TG: variants seen among roughly 807,000 people sequenced by gnomAD.
TG encodes the protein thyroglobulin.
A neutral mutation model predicts 324.7 loss-of-function variants in TG; 270 were observed. That is an observed-to-expected ratio of 0.83 (90% CI 0.75 to 0.92). The LOEUF is 0.92. Ranked by LOEUF, TG falls within the 40% of genes least tolerant of loss-of-function variation. The pLI is 0.00. For missense variants in TG, 3,591 were observed against 3,456.4 expected (o/e 1.04, Z -0.98); for synonymous variants, 1,401 against 1,327.0 (o/e 1.06, Z -1.21).
chr8:133,097,536 C>T (rs1038026468), intron 43 of TG, among the ~76,000 whole-genome samples: 9 of 152,178 alleles, frequency 5.9e-5, no homozygotes, highest in African/African-American at 2.2e-4. Flanking sequence ...ATGCCTCTGA[C>T]ACATTGTAAA....
At chr8:132,876,364 G>A (rs1813798336) in intron 5 of TG, among the ~76,000 whole-genome samples, 1 of 152,170 alleles carries the variant, frequency 6.6e-6, no homozygotes, top group African/African-American at 2.4e-5. Context: ...TTTCTGGATG[G>A]ATTCTTGAGG....
At chr8:133,043,099 C>A (rs1838627713) in intron 41 of TG, among the ~76,000 whole-genome samples, 1 of 152,108 alleles carries the variant, frequency 6.6e-6, no homozygotes, top group African/African-American at 2.4e-5. Context: ...TTACCCTTTT[C>A]AGTTATTCAC....
intron 27 of TG, among the ~76,000 whole-genome samples, chr8:132,959,955 C>T (rs1202351189): frequency 1.3e-5 from 2 of 152,016 alleles, no homozygotes; most frequent in Non-Finnish European, 2.9e-5. Flanking sequence ...ATTTACTGGC[C>T]CAACCAGAAA....
In TG at chr8:133,053,966, A is replaced by G. The variant is rs530407516; in HGVS notation, c.7239+23943A>G. 4.6e-5 allele frequency among the ~76,000 whole-genome samples: 7 copies of G among 152,258 alleles called. No homozygotes were observed. In the South Asian group the frequency reaches 1.0e-3, roughly 23 times the overall value. ...GATTTCACCTCTCTTTATCATCACC[A>G]TTAGCCAAACGGGACAAAGTCACTG... On this transcript the variant is annotated intron_variant, in intron 41 of 47. Coordinates refer to ENST00000220616, the MANE Select transcript of TG (RefSeq NM_003235.5).
chr8:133,057,735 A>C (rs939129348), intron 41 of TG, among the ~76,000 whole-genome samples: 2 of 151,916 alleles, frequency 1.3e-5, no homozygotes, highest in Non-Finnish European at 2.9e-5. Flanking sequence ...TTGACTAATC[A>C]AGAATATTCT....
At chr8:133,060,354 T>G in intron 41 of TG, 2 of 1,543,578 alleles carry the variant, frequency 1.3e-6, no homozygotes, top group Non-Finnish European at 1.7e-6. Flanking sequence ...TGGTGAAGAT[T>G]GGTTACTTTT....
intron 35 of TG, chr8:132,995,616 A>G (rs773109149): frequency 1.3e-6 from 1 of 767,870 alleles, no homozygotes; most frequent in Admixed American, 6.3e-5. Flanking sequence ...AGGAGTTCAG[A>G]TGCTCTTAGG....
At chr8:132,951,104 C>A (rs1205004118) in intron 27 of TG, among the ~76,000 whole-genome samples, 2 of 152,158 alleles carry the variant, frequency 1.3e-5, no homozygotes, top group Non-Finnish European at 2.9e-5. Flanking sequence ...CAAGAACTAG[C>A]AGAGTTCCTG....
rs761211839 is a variant in TG at position 133,019,556 on chromosome 8, G to A, written c.6783-46G>A. 6.5e-6 allele frequency: 10 copies of A among 1,538,082 alleles called. No homozygotes were observed. The South Asian group carries it at 1.0e-4, about 16-fold the overall frequency. On this transcript the variant is annotated intron_variant, in intron 38 of 47. Transcript: ENST00000220616. ...TGACCATGGTGGTGGGTGGGGAGGG[G>A]TGGTGATGGAGCATGTCTTGGAAGT...
intron 41 of TG, among the ~76,000 whole-genome samples, chr8:133,044,731 C>A (rs574370860): frequency 1.3e-5 from 2 of 152,322 alleles, no homozygotes; most frequent in South Asian, 2.1e-4. Context: ...AATTTAGGCA[C>A]ACCCTAACTT....
intron 2 of TG, among the ~76,000 whole-genome samples, chr8:132,868,809 A>G (rs1454209576): frequency 6.6e-6 from 1 of 152,192 alleles, no homozygotes; most frequent in Non-Finnish European, 1.5e-5. Context: ...GAGTGTGGTA[A>G]TAATCTAGAC....
At chr8:132,882,410 A>G in intron 6 of TG, 59 bp from the exon 7 acceptor site, 1 of 1,601,862 alleles carries the variant, frequency 6.2e-7, no homozygotes, top group East Asian at 2.2e-5. Context: ...TTGCACAACA[A>G]GGTCAGGGCT....
chr8:132,916,669 C>T (rs189619140), intron 20 of TG, among the ~76,000 whole-genome samples: 35 of 152,272 alleles, frequency 2.3e-4, no homozygotes, highest in African/African-American at 3.6e-4. Flanking sequence ...GAATTGGTGA[C>T]GGCCAGGGAG....
intron 16 of TG, among the ~76,000 whole-genome samples, chr8:132,903,090 A>T (rs1285594134): frequency 1.3e-5 from 2 of 152,188 alleles, no homozygotes; most frequent in African/African-American, 2.4e-5. Flanking sequence ...TCTGCTGTAC[A>T]GCTGTGAGGG....
intron 19 of TG, among the ~76,000 whole-genome samples, chr8:132,912,478 C>T (rs547204389): frequency 6.6e-6 from 1 of 152,074 alleles, no homozygotes; most frequent in African/African-American, 2.4e-5. Flanking sequence ...GCATGGTGCT[C>T]GCCTGCTTTC....
chr8:132,877,687 C>A (rs1193423601), intron 5 of TG, among the ~76,000 whole-genome samples: 2 of 152,190 alleles, frequency 1.3e-5, no homozygotes, highest in Non-Finnish European at 2.9e-5. Context: ...TGAGCATAAA[C>A]TCAGAAATGC....
chr8:133,099,275 C>G (rs991993447), intron 43 of TG, among the ~76,000 whole-genome samples: 1 of 152,224 alleles, frequency 6.6e-6, no homozygotes, highest in Non-Finnish European at 1.5e-5. Flanking sequence ...TTAGACCGTT[C>G]GTTTCTGGCT....
intron 8 of TG, among the ~76,000 whole-genome samples, chr8:132,883,788 C>T (rs1196300210): frequency 6.6e-6 from 1 of 152,132 alleles, no homozygotes; most frequent in East Asian, 1.9e-4. Context: ...TTGCCATGTT[C>T]CAGAGCTGAT....
At chr8:133,038,591 G>A (rs774539499) in intron 41 of TG, 1 of 1,614,162 alleles carries the variant, frequency 6.2e-7, no homozygotes, top group Non-Finnish European at 8.5e-7. Context: ...ATACATCAGG[G>A]AGATGCTTTT....
Sources: gnomAD v4.1 joint callset for allele counts (sites outside exome capture counted in the v4.1 genomes callset) on GRCh38, gnomAD v4.1.1 for gene constraint, MANE v1.5 for transcripts, NCBI Gene and HGNC (gene_info 2026-07-23, HGNC 2026-07-21) for gene names.